The following CHRM2 variants were observed in gnomAD, a reference collection of about 807,000 sequenced individuals.
CHRM2 encodes the protein cholinergic receptor muscarinic 2.
A neutral mutation model predicts 25.0 loss-of-function variants in CHRM2; 8 were observed. The observed-to-expected ratio is 0.32, with a 90% confidence interval of 0.19 to 0.58. The LOEUF (loss-of-function observed/expected upper bound fraction) is 0.58, where lower values mean the gene tolerates loss of function less well. CHRM2 is among the 20% of genes least tolerant of loss of function. CHRM2 has a pLI of 0.88. For missense variants in CHRM2, 440 were observed against 567.1 expected, an observed-to-expected ratio of 0.78 and a Z score of 2.28; for synonymous variants, 202 against 205.7, an observed-to-expected ratio of 0.98 and a Z score of 0.15.
intron 2 of CHRM2, among the ~76,000 whole-genome samples, chr7:136,918,920 G>A (rs950036916): frequency 6.6e-6 from 1 of 152,070 alleles, no homozygotes; most frequent in Non-Finnish European, 1.5e-5. Flanking sequence ...TTGCTGAAAG[G>A]TTTCTTAACA....
chr7:136,951,437 G>A (rs1769159315), intron 2 of CHRM2, among the ~76,000 whole-genome samples: 1 of 152,162 alleles, frequency 6.6e-6, no homozygotes, highest in Admixed American at 6.5e-5. Flanking sequence ...AATATGACTT[G>A]CTAGAGAGCC....
At position 137,015,504 on chromosome 7, in the gene CHRM2, C is replaced by T. The variant is rs753168342; in HGVS notation, c.639C>T (p.Ser213=). 4 of 1,613,178 alleles carry T rather than the reference C, an allele frequency of 2.5e-6. No individual in the cohort carries two copies. In the East Asian group the frequency reaches 8.9e-5, roughly 36 times the overall value. Residue 213 remains serine, a synonymous_variant, in exon 4 of 4, where the codon AGC becomes AGT. Coordinates refer to ENST00000680005, the MANE Select transcript of CHRM2 (RefSeq NM_001006630.2). This position sits in a 1 kb window ranked among gnomAD's most constrained non-coding sequence, Gnocchi z 5.1. ...TVLYWHISRA[S]KSRIKKDKKE... is the part of the protein sequence containing the mutation. ...TATATTGGCACATATCCCGAGCCAGCAAGAGCAGGATAAAGAAGGACAAGA... is the reference window on the plus strand; with the variant it reads ...TATATTGGCACATATCCCGAGCCAGTAAGAGCAGGATAAAGAAGGACAAGA...
chr7:136,891,844 G>T (rs984651416), intron 2 of CHRM2, among the ~76,000 whole-genome samples: 1 of 152,112 alleles, frequency 6.6e-6, no homozygotes, highest in South Asian at 2.1e-4. Context: ...ATTATCTGCC[G>T]CTCCTCAGAA....
chr7:136,956,964 C>T (rs1800760683), intron 2 of CHRM2, among the ~76,000 whole-genome samples: 1 of 152,096 alleles, frequency 6.6e-6, no homozygotes, highest in South Asian at 2.1e-4. Flanking sequence ...GTGAGGTTAG[C>T]CCTGGGACTC....
intron 2 of CHRM2, among the ~76,000 whole-genome samples, chr7:136,896,837 T>C (rs1403331438): frequency 2.0e-5 from 3 of 152,130 alleles, no homozygotes; most frequent in South Asian, 2.1e-4. Context: ...GGACACTACT[T>C]TAACAAAGTT....
chr7:136,974,571 G>A (rs567356750), intron 2 of CHRM2, among the ~76,000 whole-genome samples: 14 of 152,102 alleles, frequency 9.2e-5, no homozygotes, highest in African/African-American at 2.7e-4. Context: ...ACAGAGGCTC[G>A]AATGCATATA....
intron 2 of CHRM2, among the ~76,000 whole-genome samples, chr7:136,990,628 T>C (rs1336323934): frequency 1.3e-5 from 2 of 152,170 alleles, no homozygotes; most frequent in East Asian, 3.8e-4. Flanking sequence ...CTGAAGGATA[T>C]CTTTGTTGCT....
intron 3 of CHRM2, among the ~76,000 whole-genome samples, chr7:137,011,874 AATTCAGCTTTCAGGATTTCAAC>A (rs1288709388): frequency 3.6e-4 from 54 of 152,082 alleles, no homozygotes; most frequent in Middle Eastern, 3.4e-3. Flanking sequence ...CCTTTTCCAG[AATTCAGCTTTCAGGATTTCAAC>A]ATTCAGAATT....
At chr7:137,000,489 C>T (rs537864791) in intron 3 of CHRM2, among the ~76,000 whole-genome samples, 9 of 142,688 alleles carry the variant, frequency 6.3e-5, no homozygotes, top group African/African-American at 7.8e-5. Flanking sequence ...TGTGAGCCAC[C>T]GCGCCTAGTC....
intron 2 of CHRM2, among the ~76,000 whole-genome samples, chr7:136,962,538 T>A (rs1487654612): frequency 2.6e-5 from 4 of 152,206 alleles, no homozygotes; most frequent in African/African-American, 7.2e-5. Context: ...AGTCATGCCC[T>A]GTTCTCTGAG....
At chr7:137,011,515 T>G (rs1804826512) in intron 3 of CHRM2, among the ~76,000 whole-genome samples, 1 of 151,924 alleles carries the variant, frequency 6.6e-6, no homozygotes, top group Non-Finnish European at 1.5e-5. Flanking sequence ...CAAGTCACCT[T>G]CTGAAATTGT....
chr7:136,889,926 C>T (rs773935019), intron 2 of CHRM2, among the ~76,000 whole-genome samples: 1 of 152,188 alleles, frequency 6.6e-6, no homozygotes, highest in Non-Finnish European at 1.5e-5. Flanking sequence ...GACAGGCGAC[C>T]TCAGCTGCCT....
intron 2 of CHRM2, among the ~76,000 whole-genome samples, chr7:136,883,835 G>A (rs1432870261): frequency 6.6e-6 from 1 of 152,074 alleles, no homozygotes; most frequent in Admixed American, 6.5e-5. Flanking sequence ...ATGAAATGAC[G>A]CCAACCTATC....
At chr7:137,004,889 T>C (rs1804317759) in intron 3 of CHRM2, among the ~76,000 whole-genome samples, 1 of 152,160 alleles carries the variant, frequency 6.6e-6, no homozygotes, top group Non-Finnish European at 1.5e-5. Flanking sequence ...GGCTCAGTTC[T>C]AGAAATAGTC....
Position 136,924,868 on chromosome 7 carries a change from AAC to A in CHRM2, c.-125+55454_-125+55455del, listed in dbSNP as rs528863750. 9.2e-5 allele frequency among the ~76,000 whole-genome samples: 14 copies of A among 152,304 alleles called. No individual in the cohort carries two copies. In the South Asian group the frequency reaches 2.9e-3, roughly 32 times the overall value. Reference sequence around the variant, plus strand: ...TTTCATGGTGCTATCTTCTGGGCGTAACACAGAGTATTTCATAAGGAGTATTA... The same window carrying A: ...TTTCATGGTGCTATCTTCTGGGCGTAACAGAGTATTTCATAAGGAGTATTA... On this transcript the variant is annotated intron_variant, in intron 2 of 3. Coordinates refer to ENST00000680005, the MANE Select transcript of CHRM2 (RefSeq NM_001006630.2).
intron 2 of CHRM2, among the ~76,000 whole-genome samples, chr7:136,953,742 AAC>A (rs1491013810): frequency 1.3e-3 from 204 of 152,102 alleles, no homozygotes; most frequent in African/African-American, 2.8e-3. Context: ...GAAAAAAAAA[AAC>A]AAATATATTT....
chr7:136,913,715 A>G (rs983316078), intron 2 of CHRM2, among the ~76,000 whole-genome samples: 2 of 151,902 alleles, frequency 1.3e-5, no homozygotes, highest in East Asian at 1.9e-4. Context: ...CACTTCAATG[A>G]CATTTGCTTT....
In CHRM2 at chr7:137,016,371, T is replaced by G; in HGVS notation, c.*105T>G. On this transcript the variant is annotated 3_prime_UTR_variant, in exon 4 of 4. Transcript: ENST00000680005. ...ATCTCTGCCATTGCACTTTATAGTC[T>G]GATTACAAAACGTGCAATTCAGGAG... The G allele has an allele frequency of 1.6e-6, 2 of 1,231,890 alleles. No individual in the cohort carries two copies. The highest frequency in any genetic ancestry group is 2.5e-5 in the East Asian group (1 of 40,560). The allele number at this position is 1,231,890 out of a possible 1,614,324, so 76.3% of individuals were successfully genotyped here. A position where few individuals can be genotyped will look rare whatever the true frequency, so the allele number is the denominator to read the frequency against.
intron 2 of CHRM2, among the ~76,000 whole-genome samples, chr7:136,887,080 G>A (rs889304003): frequency 6.6e-6 from 1 of 152,112 alleles, no homozygotes; most frequent in Non-Finnish European, 1.5e-5. Context: ...TATTAACAGT[G>A]TATTGTATTC....
Sources: gnomAD v4.1 joint callset for allele counts (sites outside exome capture counted in the v4.1 genomes callset) on GRCh38, gnomAD v4.1.1 for gene constraint, Gnocchi (gnomAD v3.1) non-coding constraint, MANE v1.5 for transcripts, NCBI Gene and HGNC (gene_info 2026-07-23, HGNC 2026-07-21) for gene names.